Variants in APC observed in about 807,000 individuals in gnomAD.
APC encodes adenomatous polyposis coli protein.
Under a neutral mutation model 247.0 loss-of-function variants are expected in APC, and 72 were observed. The observed-to-expected ratio is 0.29, with a 90% CI of 0.24 to 0.35. The LOEUF is 0.35. Among genes scored for constraint, APC ranks in the 10% least tolerant of loss-of-function variants. The pLI is 1.00. For missense variants in APC, 3,400 were observed against 3,360.7 expected, an observed-to-expected ratio of 1.01 and a Z score of -0.29; for synonymous variants, 1,254 against 1,162.5, an observed-to-expected ratio of 1.08 and a Z score of -1.60.
chr5:112,757,212 A>G (rs1169204774), intron 2 of APC, among the ~76,000 whole-genome samples: 2 of 152,180 alleles, frequency 1.3e-5, no homozygotes, highest in Non-Finnish European at 2.9e-5. Flanking sequence ...ATGAAATTAT[A>G]TCTCTTTTTA....
intron 15 of APC, among the ~76,000 whole-genome samples, chr5:112,836,907 G>A (rs1765003113): frequency 6.6e-6 from 1 of 151,924 alleles, no homozygotes; most frequent in African/African-American, 2.4e-5. Context: ...CACCATGTTG[G>A]CCAGGCTGGT....
intron 6 of APC, among the ~76,000 whole-genome samples, chr5:112,788,319 G>A (rs1005062067): frequency 2.6e-5 from 4 of 152,010 alleles, no homozygotes; most frequent in African/African-American, 7.3e-5. Flanking sequence ...AAGCTTCATG[G>A]GCTTTTGATT....
In APC at chr5:112,841,292, C is replaced by T. The variant is rs944332850; in HGVS notation, c.5698C>T (p.Leu1900=). The change falls in exon 16 of 16, where the codon CTA becomes TTA. Residue 1900 remains leucine (L), a synonymous_variant. Coordinates refer to ENST00000257430, the MANE Select transcript of APC (RefSeq NM_000038.6). The surrounding 1 kb of genome is among the most constrained non-coding windows in gnomAD (Gnocchi z 4.6). ...SEAKVTSHTE[L]TSNQQSANKT... is the part of the protein sequence containing the mutation. ...GGCTAAAGTTACCAGCCACACAGAA[C>T]TAACCTCCAACCAACAATCAGCTAA... 6.2e-7 allele frequency: 1 copy of T among 1,613,870 alleles called. No homozygotes were observed. Among genetic ancestry groups the T allele is most frequent in the Non-Finnish European group, 8.5e-7 (1 of 1,179,934 alleles).
intron 12 of APC, 34 bp downstream of exon 12, chr5:112,827,281 C>T (rs2149810849): frequency 3.1e-6 from 5 of 1,610,546 alleles, no homozygotes; most frequent in Non-Finnish European, 3.4e-6. Flanking sequence ...CTTAAGATAG[C>T]TCAGGTATGA....
intron 1 of APC, among the ~76,000 whole-genome samples, chr5:112,729,265 AC>A (rs1189903705): frequency 6.6e-6 from 1 of 152,234 alleles, no homozygotes; most frequent in Non-Finnish European, 1.5e-5. Context: ...ACTTTGGAAA[AC>A]AATGATGAGA....
intron 1 of APC, among the ~76,000 whole-genome samples, chr5:112,728,896 T>C (rs1421148743): frequency 6.6e-6 from 1 of 152,208 alleles, no homozygotes; most frequent in Non-Finnish European, 1.5e-5. Context: ...ACTTAGTATT[T>C]TCATTGCCTA....
At chr5:112,710,906 A>G (rs557245571) in intron 1 of APC, among the ~76,000 whole-genome samples, 26 of 152,384 alleles carry the variant, frequency 1.7e-4, no homozygotes, top group Admixed American at 2.0e-4. Flanking sequence ...TGTTTGGTAC[A>G]TTGTAGAGTT....
chr5:112,802,104 A>C (rs1393139986), intron 8 of APC, among the ~76,000 whole-genome samples: 1 of 152,090 alleles, frequency 6.6e-6, no homozygotes, highest in Non-Finnish European at 1.5e-5. Flanking sequence ...CTTTTTAAAA[A>C]CAGAATTTCA....
chr5:112,815,070 TC>T (rs1762359592), intron 8 of APC, among the ~76,000 whole-genome samples: 1 of 152,242 alleles, frequency 6.6e-6, no homozygotes, highest in South Asian at 2.1e-4. Flanking sequence ...AACAGCCCTT[TC>T]TAAACTGTGA....
Position 112,755,035 on chromosome 5 carries a change from CTG to C in APC, c.135+13_135+14del, listed in dbSNP as rs1754806508. On this transcript the variant is annotated intron_variant, in intron 2 of 15. Transcript: ENST00000257430. ...GGCATCTAATATGAAGGTATCAAGA[CTG>C]TGACTTTTAATTGTAGTTTATCCAT... 1 of 1,613,102 alleles carries C rather than the reference CTG, an allele frequency of 6.2e-7. No individual in the cohort carries two copies. The highest frequency in any genetic ancestry group is 1.3e-5 in the African/African-American group (1 of 74,906).
In APC at chr5:112,816,004, G is replaced by A. The variant is rs556921722; in HGVS notation, c.933+411G>A. On this transcript the variant is annotated intron_variant, in intron 9 of 15. Coordinates refer to ENST00000257430, the MANE Select transcript of APC (RefSeq NM_000038.6). ...CAGGTTTATAAAAAGTGCCAGATTA[G>A]CTAATTTTTAATTCTTTTTCAGTCT... Among the ~76,000 whole-genome samples the A allele has an allele frequency of 2.0e-5, 3 of 152,314 alleles. No homozygotes were observed. The South Asian group carries it at 6.2e-4, about 32-fold the overall frequency.
chr5:112,807,353 C>A (rs777545521), intron 8 of APC, among the ~76,000 whole-genome samples: 33 of 151,940 alleles, frequency 2.2e-4, no homozygotes, highest in Admixed American at 9.8e-4. Flanking sequence ...TTTTCCAGTA[C>A]CCTTTATTCT....
rs1060503278 is a variant in APC, at chr5:112,835,020, G to A, written c.1813G>A (p.Asp605Asn). ...AGCACATTGCACTGAGAATAAAGCT[G>A]ATATATGTGCTGTAGATGGTGCACT... ...LSAHCTENKA[D>N]ICAVDGALAF... is the part of the protein sequence containing the mutation. The change falls in exon 15 of 16, where the codon GAT becomes AAT. Residue 605 changes from aspartate to asparagine, a missense_variant. By Grantham distance (23) the Asp-to-Asn change is conservative. Coordinates refer to ENST00000257430, the MANE Select transcript of APC (RefSeq NM_000038.6). 2 of 1,614,130 alleles carry A rather than the reference G, an allele frequency of 1.2e-6. No individual in the cohort carries two copies. Among genetic ancestry groups the A allele is most frequent in the Non-Finnish European group, 8.5e-7 (1 of 1,179,998 alleles).
chr5:112,806,296 A>G (rs1201980132), intron 8 of APC, among the ~76,000 whole-genome samples: 2 of 152,174 alleles, frequency 1.3e-5, no homozygotes, highest in African/African-American at 2.4e-5. Flanking sequence ...CCCCCACTAG[A>G]CTGTAAGCTC....
At chr5:112,831,791 A>G (rs979146851) in intron 14 of APC, among the ~76,000 whole-genome samples, 4 of 152,226 alleles carry the variant, frequency 2.6e-5, no homozygotes, top group Admixed American at 6.5e-5. Flanking sequence ...AAGAAGCCCA[A>G]TGTTTTGAAA....
Position 112,841,834 on chromosome 5 carries a change from G to T in APC, c.6240G>T (p.Leu2080Phe), listed in dbSNP as rs2149960443. The change falls in exon 16 of 16, where the codon TTG becomes TTT. Residue 2080 changes from leucine to phenylalanine, a missense_variant. Leu to Phe is a conservative substitution (Grantham distance 22). This residue lies in a region of APC where 1,788 missense variants were observed against 1,649.5 expected (regional missense o/e 1.08). Coordinates refer to ENST00000257430, the MANE Select transcript of APC (RefSeq NM_000038.6). This position sits in a 1 kb window ranked among gnomAD's most constrained non-coding sequence, Gnocchi z 4.6. ...TAGGTGAAGATCTGACACTTGATTTGAAAGATATACAGAGACCAGATTCAG... is the reference window on the plus strand; with the variant it reads ...TAGGTGAAGATCTGACACTTGATTTTAAAGATATACAGAGACCAGATTCAG... Reference protein sequence around the residue: ...GILGEDLTLDLKDIQRPDSEH... With the variant: ...GILGEDLTLDFKDIQRPDSEH... The T allele has an allele frequency of 6.2e-7, 1 of 1,613,898 alleles. No homozygotes were observed. The highest frequency in any genetic ancestry group is 8.5e-7 in the Non-Finnish European group (1 of 1,179,860).
intron 2 of APC, among the ~76,000 whole-genome samples, chr5:112,759,752 A>G (rs926240550): frequency 6.6e-6 from 1 of 152,234 alleles, no homozygotes; most frequent in Non-Finnish European, 1.5e-5. Flanking sequence ...GAGCTTCCAG[A>G]ATTTTAAAAT....
rs1037157164 is a variant in APC, at chr5:112,804,851, C to T, written c.834+3468C>T. ...TCTGCAAAAAAAAATAAAAATTAGC[C>T]GTGTGTGGTAGTCCCAGCTACTTGG... On this transcript the variant is annotated intron_variant, in intron 8 of 15. Coordinates refer to ENST00000257430, the MANE Select transcript of APC (RefSeq NM_000038.6). 3.9e-5 allele frequency among the ~76,000 whole-genome samples: 6 copies of T among 151,972 alleles called. 1 individual carries two copies. The highest frequency in any genetic ancestry group is 1.2e-4 in the African/African-American group (5 of 41,388).
chr5:112,823,863 G>A (rs1204517048), intron 11 of APC, among the ~76,000 whole-genome samples: 1 of 152,076 alleles, frequency 6.6e-6, no homozygotes, highest in Non-Finnish European at 1.5e-5. Flanking sequence ...GGATTTTCTG[G>A]CACTGTAGCA....
Sources: gnomAD v4.1 joint callset for allele counts (sites outside exome capture counted in the v4.1 genomes callset) on GRCh38, gnomAD v4.1.1 for gene constraint, gnomAD v4.1.1 regional missense constraint, Gnocchi (gnomAD v3.1) non-coding constraint, MANE v1.5 for transcripts, NCBI Gene and HGNC (gene_info 2026-07-23, HGNC 2026-07-21) for gene names.